The following ME1 variants were observed in gnomAD, a reference collection of about 807,000 sequenced individuals.
The protein encoded by ME1 is NADP-dependent malic enzyme.
Under a neutral mutation model 66.4 loss-of-function variants are expected in ME1, and 74 were observed. The ratio of observed to expected loss-of-function variants is 1.11; its 90% confidence interval spans 0.92 to 1.35. The LOEUF (loss-of-function observed/expected upper bound fraction) is 1.35, where lower values mean the gene tolerates loss of function less well. Ranked by LOEUF, ME1 falls within the 40% of genes most tolerant of loss-of-function variation. ME1 has a pLI of 0.00. For synonymous variants in ME1, 251 were observed against 235.6 expected, an observed-to-expected ratio of 1.07 and a Z score of -0.60; for missense variants, 750 against 694.1, an observed-to-expected ratio of 1.08 and a Z score of -0.90.
chr6:83,251,591 G>A (rs993138505), intron 7 of ME1, among the ~76,000 whole-genome samples: 8 of 152,148 alleles, frequency 5.3e-5, no homozygotes, highest in African/African-American at 1.9e-4. Flanking sequence ...AATTGACCCA[G>A]ACCCAGAAAT....
chr6:83,312,998 C>G (rs1005267318), intron 6 of ME1, among the ~76,000 whole-genome samples: 4 of 152,166 alleles, frequency 2.6e-5, no homozygotes, highest in African/African-American at 9.7e-5. Flanking sequence ...CTCAAGTGAT[C>G]TGCTTGCCTC....
In ME1 at chr6:83,284,903, A is replaced by C. The variant is rs377169254; in HGVS notation, c.704+30407T>G. On this transcript the variant is annotated intron_variant, in intron 6 of 13. Transcript: ENST00000369705. Reference sequence around the variant, plus strand: ...GGCATCCAAATAGGAAAGAAGAAGTAAATAATCTCTCTGAGTAGTATTCCA... The same window carrying C: ...GGCATCCAAATAGGAAAGAAGAAGTCAATAATCTCTCTGAGTAGTATTCCA... Among the ~76,000 whole-genome samples the C allele has an allele frequency of 5.9e-5, 9 of 152,274 alleles. No individual in the cohort carries two copies. The East Asian group carries it at 1.5e-3, about 26-fold the overall frequency.
At chr6:83,401,013 C>A (rs140508222) in intron 2 of ME1, among the ~76,000 whole-genome samples, 18 of 152,272 alleles carry the variant, frequency 1.2e-4, no homozygotes, top group African/African-American at 4.1e-4. Flanking sequence ...TTACCCTTAT[C>A]ACCCAACTCA....
At chr6:83,255,863 A>G (rs1766759311) in intron 6 of ME1, among the ~76,000 whole-genome samples, 1 of 152,134 alleles carries the variant, frequency 6.6e-6, no homozygotes, top group African/African-American at 2.4e-5. Flanking sequence ...TTCTCATCCA[A>G]TAGATGAGGA....
chr6:83,298,681 G>A (rs1767649729), intron 6 of ME1, among the ~76,000 whole-genome samples: 1 of 151,970 alleles, frequency 6.6e-6, no homozygotes, highest in Non-Finnish European at 1.5e-5. Flanking sequence ...TTTTCTTCTA[G>A]GGTTTTTATA....
chr6:83,359,336 A>G (rs1019930603), intron 3 of ME1, among the ~76,000 whole-genome samples: 4 of 152,200 alleles, frequency 2.6e-5, no homozygotes, highest in African/African-American at 4.8e-5. Context: ...AGTGTGACCC[A>G]TGAGGAGGTG....
intron 7 of ME1, among the ~76,000 whole-genome samples, chr6:83,240,991 C>A (rs1202303064): frequency 6.6e-6 from 1 of 151,938 alleles, no homozygotes; most frequent in Non-Finnish European, 1.5e-5. Context: ...TGTGCTAAGT[C>A]ATATATTATG....
At chr6:83,287,049 T>C (rs2128534110) in intron 6 of ME1, among the ~76,000 whole-genome samples, 1 of 152,330 alleles carries the variant, frequency 6.6e-6, no homozygotes, top group African/African-American at 2.4e-5. Flanking sequence ...TAACACTAAA[T>C]ATTTCAACAA....
At chr6:83,246,981 A>T (rs1790636063) in intron 7 of ME1, among the ~76,000 whole-genome samples, 1 of 152,284 alleles carries the variant, frequency 6.6e-6, no homozygotes, top group Non-Finnish European at 1.5e-5. Flanking sequence ...AAATATGTTT[A>T]CTGGCCATGG....
rs76529306 is a variant in ME1, at chr6:83,265,494, G to A, written c.705-11756C>T. Among the ~76,000 whole-genome samples the A allele has an allele frequency of 3.6e-4, 55 of 152,000 alleles. 1 individual carries two copies. The East Asian group carries it at 8.9e-3, about 25-fold the overall frequency. On this transcript the variant is annotated intron_variant, in intron 6 of 13. Transcript: ENST00000369705. ...CTTTTAATGTTTTGTAGAGACAAGG[G>A]CTCACTACATTGCCCAGGCTAGTCT... is the stretch of plus-strand genomic sequence containing the variant.
At chr6:83,275,985 T>C (rs1438276827) in intron 6 of ME1, among the ~76,000 whole-genome samples, 2 of 151,890 alleles carry the variant, frequency 1.3e-5, no homozygotes, top group Non-Finnish European at 2.9e-5. Flanking sequence ...TTAGCCAGGA[T>C]GGTCGCGATC....
intron 5 of ME1, among the ~76,000 whole-genome samples, chr6:83,344,504 G>A (rs1442339859): frequency 1.3e-5 from 2 of 148,424 alleles, no homozygotes; most frequent in Non-Finnish European, 3.0e-5. Context: ...AATCACATGA[G>A]TATGGGAGAT....
intron 6 of ME1, among the ~76,000 whole-genome samples, chr6:83,255,550 T>C (rs1328659468): frequency 3.3e-5 from 5 of 152,140 alleles, no homozygotes; most frequent in South Asian, 2.1e-4. Flanking sequence ...ATTTAGAAAA[T>C]AGTTAACCTC....
At chr6:83,333,677 G>A (rs2128542440) in intron 5 of ME1, among the ~76,000 whole-genome samples, 1 of 152,226 alleles carries the variant, frequency 6.6e-6, no homozygotes, top group African/African-American at 2.4e-5. Flanking sequence ...CAACAGAAAA[G>A]TTAATCCAGA....
Position 83,300,580 on chromosome 6 carries a change from T to C in ME1, c.704+14730A>G, listed in dbSNP as rs1253795145. Among the ~76,000 whole-genome samples the C allele has an allele frequency of 6.0e-5, 9 of 149,530 alleles. 1 individual carries two copies. Among genetic ancestry groups the C allele is most frequent in the African/African-American group, 2.2e-4 (9 of 41,140 alleles). ...AAAGTAGGCAAAGGACATCAACAAA[T>C]ATTTTTCTTTTATTTTCCTTTCTTT... On this transcript the variant is annotated intron_variant, in intron 6 of 13. Transcript: ENST00000369705.
At chr6:83,221,058 G>A (rs1046434778) in intron 12 of ME1, among the ~76,000 whole-genome samples, 7 of 152,068 alleles carry the variant, frequency 4.6e-5, no homozygotes, top group Non-Finnish European at 1.0e-4. Flanking sequence ...TACTTGGGAG[G>A]CTGAGGCAGG....
At position 83,366,842 on chromosome 6, in the gene ME1, A is replaced by G. The variant is rs1284683505; in HGVS notation, c.363-14703T>C. Among the ~76,000 whole-genome samples, 3 of 152,342 alleles carry G rather than the reference A, an allele frequency of 2.0e-5. No homozygotes were observed. In the East Asian group the frequency reaches 5.8e-4, roughly 29 times the overall value. On this transcript the variant is annotated intron_variant, in intron 3 of 13. Transcript: ENST00000369705. ...AATCAACTTCTTCCAAACTCCTGTTAATATTGATATTCTGATCTCCTCCCA... is the reference window on the plus strand; with the variant it reads ...AATCAACTTCTTCCAAACTCCTGTTGATATTGATATTCTGATCTCCTCCCA...
intron 6 of ME1, among the ~76,000 whole-genome samples, chr6:83,281,633 C>T (rs967589909): frequency 5.3e-5 from 8 of 151,402 alleles, no homozygotes; most frequent in Middle Eastern, 3.4e-3. Context: ...TGGTGAAACC[C>T]CATCTCTACT....
rs991916698 is a variant in ME1, at chr6:83,307,774, G to A, written c.704+7536C>T. Among the ~76,000 whole-genome samples the A allele has an allele frequency of 9.7e-5, 14 of 144,232 alleles. 1 individual carries two copies. Among genetic ancestry groups the A allele is most frequent in the Non-Finnish European group, 1.8e-4 (12 of 67,962 alleles). 94.6% of individuals were successfully genotyped at this position (144,232 alleles called of 152,430 possible). A position where few individuals can be genotyped will look rare whatever the true frequency, so the allele number is the denominator to read the frequency against. On this transcript the variant is annotated intron_variant, in intron 6 of 13. Coordinates refer to ENST00000369705, the MANE Select transcript of ME1 (RefSeq NM_002395.6). ...CCTGTTGGGAAGCCAGGGATTTAGT[G>A]TAGAGTTGGACGAAACTCTATCTAA... is the stretch of plus-strand genomic sequence containing the variant.
Sources: allele counts gnomAD v4.1 joint callset (sites outside exome capture counted in the v4.1 genomes callset), GRCh38; gene constraint gnomAD v4.1.1; transcripts MANE v1.5; gene names NCBI Gene and HGNC (gene_info 2026-07-23, HGNC 2026-07-21).